Variants in PDZK1 observed in about 807,000 individuals in gnomAD.
The protein encoded by PDZK1 is PDZ domain containing 1.
Under a neutral mutation model 38.1 loss-of-function variants are expected in PDZK1, and 23 were observed. The ratio of observed to expected loss-of-function variants is 0.60; its 90% confidence interval spans 0.43 to 0.85. The LOEUF is 0.85. Ranked by LOEUF, PDZK1 falls within the 40% of genes least tolerant of loss-of-function variation. PDZK1 has a pLI of 0.00. For synonymous variants in PDZK1, 98 were observed against 186.2 expected (o/e 0.53, Z 3.86); for missense variants, 297 against 504.3 (o/e 0.59, Z 3.94).
intron 1 of PDZK1, among the ~76,000 whole-genome samples, chr1:145,693,725 G>T (rs1553703735): frequency 6.6e-6 from 1 of 151,120 alleles, no homozygotes; most frequent in Non-Finnish European, 1.5e-5. Flanking sequence ...AGTGAGCTGA[G>T]ATCAGGCCAC....
chr1:145,683,125 A>G (rs1275403935), intron 3 of PDZK1, among the ~76,000 whole-genome samples: 1 of 152,214 alleles, frequency 6.6e-6, no homozygotes, highest in Non-Finnish European at 1.5e-5. Context: ...TCGAAATCCA[A>G]TGGTAAAGAC....
chr1:145,690,299 C>T, intron 1 of PDZK1, among the ~76,000 whole-genome samples: 1 of 152,214 alleles, frequency 6.6e-6, no homozygotes, highest in East Asian at 1.9e-4. Flanking sequence ...CCAAGCTCAC[C>T]TGTAGATCCC....
At chr1:145,680,021 C>T (rs1654079853) in intron 5 of PDZK1, among the ~76,000 whole-genome samples, 1 of 152,124 alleles carries the variant, frequency 6.6e-6, no homozygotes, top group African/African-American at 2.4e-5. Context: ...ATTCATGTTA[C>T]AAAGCCTGAA....
Position 145,671,089 on chromosome 1 carries a change from T to C in PDZK1, c.*347A>G. The C allele has an allele frequency of 3.3e-6, 1 of 306,452 alleles. No individual in the cohort carries two copies. Among genetic ancestry groups the C allele is most frequent in the Non-Finnish European group, 6.3e-6 (1 of 158,236 alleles). The allele number at this position is 306,452 out of a possible 1,614,324, so 19.0% of individuals were successfully genotyped here. ...TGCTTTTATAAGCAGCTGTCACCTA[T>C]ACAGAGTTATGAATCATCTTTGGTG... On this transcript the variant is annotated 3_prime_UTR_variant, in exon 9 of 9. Transcript: ENST00000417171.
chr1:145,680,893 T>G lies in PDZK1; in HGVS notation c.793+19A>C, dbSNP rs1184179336. ...GGAATTTGCTGGTTACTGCCAAGTT[T>G]CCTGCTCTTGTACCTTACCTTTCTG... On this transcript the variant is annotated intron_variant, in intron 5 of 8. Transcript: ENST00000417171. 2.3e-6 allele frequency: 1 copy of G among 441,672 alleles called. No individual in the cohort carries two copies. Among genetic ancestry groups the G allele is most frequent in the Non-Finnish European group, 3.9e-6 (1 of 256,236 alleles). The allele number at this position is 441,672 out of a possible 1,614,324, so 27.4% of individuals were successfully genotyped here. A position where few individuals can be genotyped will look rare whatever the true frequency, so the allele number is the denominator to read the frequency against.
At chr1:145,692,925 C>T (rs1396100942) in intron 1 of PDZK1, among the ~76,000 whole-genome samples, 5 of 151,332 alleles carry the variant, frequency 3.3e-5, no homozygotes, top group African/African-American at 2.4e-5. Flanking sequence ...GCAGGAGAAT[C>T]GCTTGAACCC....
chr1:145,706,599 T>C (rs1382222598), intron 1 of PDZK1, among the ~76,000 whole-genome samples: 1 of 152,168 alleles, frequency 6.6e-6, no homozygotes, highest in African/African-American at 2.4e-5. Context: ...CTTAGGTAAG[T>C]GTCATACTTA....
rs182415700 is a variant in PDZK1 at position 145,681,473 on chromosome 1, G to A, written c.598-366C>T. On this transcript the variant is annotated intron_variant, in intron 4 of 8. Transcript: ENST00000417171. ...AAATTTTTTTTTTTTTATTTTTAGT[G>A]GAGACGGTGTTTCACCTTGTTAGCC... 4.2e-3 allele frequency among the ~76,000 whole-genome samples: 600 copies of A among 144,318 alleles called. 2 individuals carry two copies. Among genetic ancestry groups the A allele is most frequent in the African/African-American group, 0.016 (550 of 34,562 alleles). 94.7% of individuals were successfully genotyped at this position (144,318 alleles called of 152,430 possible). A position where few individuals can be genotyped will look rare whatever the true frequency, so the allele number is the denominator to read the frequency against.
intron 1 of PDZK1, among the ~76,000 whole-genome samples, chr1:145,690,712 G>A (rs935650706): frequency 6.6e-6 from 1 of 152,142 alleles, no homozygotes; most frequent in African/African-American, 2.4e-5. Flanking sequence ...TAATCTCTTT[G>A]TTTGTAGGCC....
At chr1:145,675,838 G>A (rs1653597297) in intron 6 of PDZK1, among the ~76,000 whole-genome samples, 1 of 151,526 alleles carries the variant, frequency 6.6e-6, no homozygotes, top group Non-Finnish European at 1.5e-5. Flanking sequence ...CCAAAATGGT[G>A]AAACCTCATT....
intron 1 of PDZK1, among the ~76,000 whole-genome samples, chr1:145,688,733 G>A (rs587663522): frequency 9.1e-4 from 139 of 152,220 alleles, no homozygotes; most frequent in Non-Finnish European, 1.7e-3. Context: ...GGCCGAGGCG[G>A]GCAGATCACA....
chr1:145,687,992 A>T lies in PDZK1; in HGVS notation c.30T>A (p.Cys10Ter). 6.2e-7 allele frequency: 1 copy of T among 1,612,880 alleles called. No homozygotes were observed. ...TTTGCCCTTCTTGCTTGGACAGTTTACATTCTCGGGGGTTGAAGGTGGAGG... is the reference window on the plus strand; with the variant it reads ...TTTGCCCTTCTTGCTTGGACAGTTTTCATTCTCGGGGGTTGAAGGTGGAGG... MTSTFNPRE[C>*]KLSKQEGQNY... is the part of the protein sequence containing the mutation. The change falls in exon 2 of 9, where the codon TGT becomes TGA. Residue 10 changes from cysteine to a stop codon, truncating the protein, a stop_gained. Coordinates refer to ENST00000417171, the MANE Select transcript of PDZK1 (RefSeq NM_001201325.2). LOFTEE classifies it high-confidence loss of function.
chr1:145,675,048 T>C (rs1653512035), intron 6 of PDZK1, among the ~76,000 whole-genome samples: 1 of 152,080 alleles, frequency 6.6e-6, no homozygotes, highest in South Asian at 2.1e-4. Context: ...TGCTTATTTA[T>C]TTTGCTATGT....
At position 145,704,572 on chromosome 1, in the gene PDZK1, A is replaced by G. The variant is rs72997797; in HGVS notation, c.-3+2745T>C. 4.7e-3 allele frequency among the ~76,000 whole-genome samples: 714 copies of G among 152,280 alleles called. 7 individuals carry two copies. The highest frequency in any genetic ancestry group is 0.016 in the African/African-American group (674 of 41,554). On this transcript the variant is annotated intron_variant, in intron 1 of 8. Transcript: ENST00000417171. ...GTTCTAATATGCCCATTTGACTGAC[A>G]AGGAAATAGAAGCTTAGAGAGCCTG...
At chr1:145,690,135 T>C (rs1298245965) in intron 1 of PDZK1, among the ~76,000 whole-genome samples, 1 of 152,172 alleles carries the variant, frequency 6.6e-6, no homozygotes. Flanking sequence ...AACACCACTC[T>C]GGGATGAAAG....
chr1:145,676,895 C>T (rs1247735681), intron 6 of PDZK1, among the ~76,000 whole-genome samples: 11 of 151,900 alleles, frequency 7.2e-5, no homozygotes, highest in East Asian at 1.9e-4. Flanking sequence ...TTCTTGAAAC[C>T]GGACACAATA....
At chr1:145,694,828 T>C (rs782096478) in intron 1 of PDZK1, among the ~76,000 whole-genome samples, 8 of 116,536 alleles carry the variant, frequency 6.9e-5, no homozygotes, top group Non-Finnish European at 9.8e-5. Context: ...ACCCGGGAGG[T>C]GGAGGTTACA....
chr1:145,683,911 A>G (rs1210077690), intron 3 of PDZK1, among the ~76,000 whole-genome samples: 1 of 151,030 alleles, frequency 6.6e-6, no homozygotes, highest in Non-Finnish European at 1.5e-5. Flanking sequence ...CAGGGCCGCA[A>G]TCTTGGCTCA....
chr1:145,674,424 A>G, intron 6 of PDZK1: 1 of 398,962 alleles, frequency 2.5e-6, no homozygotes, highest in Non-Finnish European at 3.4e-6. Context: ...AGCCCGGCAA[A>G]GCATTATTTT....
Sources: allele counts gnomAD v4.1 joint callset (sites outside exome capture counted in the v4.1 genomes callset), GRCh38; gene constraint gnomAD v4.1.1; transcripts MANE v1.5; gene names NCBI Gene and HGNC (gene_info 2026-07-23, HGNC 2026-07-21).